Variants in PLCH1 observed in about 807,000 individuals in gnomAD.
PLCH1 encodes 1-phosphatidylinositol 4,5-bisphosphate phosphodiesterase eta-1.
In PLCH1, 60 loss-of-function variants were observed where a neutral mutation model predicts 126.7. The ratio of observed to expected loss-of-function variants is 0.47; its 90% CI spans 0.38 to 0.59. PLCH1 has a LOEUF of 0.59. Ranked by LOEUF, PLCH1 falls within the 20% of genes least tolerant of loss-of-function variation. The pLI is 0.00. For synonymous variants in PLCH1, 719 were observed against 734.9 expected, an observed-to-expected ratio of 0.98 and a Z score of 0.35; for missense variants, 1,723 against 2,040.0, an observed-to-expected ratio of 0.84 and a Z score of 2.99.
At chr3:155,537,436 C>T (rs1010471621) in intron 10 of PLCH1, among the ~76,000 whole-genome samples, 1 of 152,014 alleles carries the variant, frequency 6.6e-6, no homozygotes, top group Non-Finnish European at 1.5e-5. Context: ...AAATGCTCCA[C>T]TTAAAAGGCA....
intron 1 of PLCH1, among the ~76,000 whole-genome samples, chr3:155,719,961 A>T (rs1577365244): frequency 6.6e-6 from 1 of 151,938 alleles, no homozygotes; most frequent in Non-Finnish European, 1.5e-5. Flanking sequence ...ATGCCCGGCT[A>T]ATTTTTGTAT....
intron 2 of PLCH1, among the ~76,000 whole-genome samples, chr3:155,628,582 CT>C (rs1737647991): frequency 6.8e-6 from 1 of 146,342 alleles, no homozygotes; most frequent in Non-Finnish European, 1.5e-5. Flanking sequence ...GGGGGAGGGG[CT>C]TCTTCATTCT....
chr3:155,743,629 G>T (rs999406952), intron 1 of PLCH1: 3 of 410,188 alleles, frequency 7.3e-6, no homozygotes, highest in Non-Finnish European at 1.4e-5. Context: ...TAACCCCAAA[G>T]GTGACCAAAA....
intron 11 of PLCH1, among the ~76,000 whole-genome samples, chr3:155,517,733 G>C (rs1720545048): frequency 6.6e-6 from 1 of 152,122 alleles, no homozygotes. Context: ...ACATACATAA[G>C]TACCACGGAT....
intron 19 of PLCH1, among the ~76,000 whole-genome samples, chr3:155,489,931 G>A (rs532189063): frequency 6.6e-6 from 1 of 152,096 alleles, no homozygotes; most frequent in Non-Finnish European, 1.5e-5. Flanking sequence ...AGATCTTTTT[G>A]TTGACTTAGT....
At chr3:155,534,437 C>A (rs1723086549) in intron 10 of PLCH1, among the ~76,000 whole-genome samples, 1 of 152,174 alleles carries the variant, frequency 6.6e-6, no homozygotes, top group Non-Finnish European at 1.5e-5. Context: ...GCCTGTACCC[C>A]CATTGGATCT....
chr3:155,566,513 G>A (rs1728563853), intron 7 of PLCH1, among the ~76,000 whole-genome samples: 1 of 151,278 alleles, frequency 6.6e-6, no homozygotes, highest in Non-Finnish European at 1.5e-5. Context: ...ATACCAAGAG[G>A]TACCCTGAAC....
intron 1 of PLCH1, among the ~76,000 whole-genome samples, chr3:155,734,869 C>T (rs1203504203): frequency 4.6e-5 from 7 of 152,102 alleles, no homozygotes; most frequent in African/African-American, 1.2e-4. Context: ...CCACCACGCC[C>T]GGCTAATTTT....
At chr3:155,479,683 G>A (rs929780169), downstream of PLCH1, among the ~76,000 whole-genome samples, 2 of 152,020 alleles carry the variant, frequency 1.3e-5, no homozygotes, top group Middle Eastern at 3.2e-3. Flanking sequence ...CATTACATTT[G>A]ATTTTCTTTC....
At chr3:155,478,918 T>C (rs145018363), downstream of PLCH1, among the ~76,000 whole-genome samples, 449 of 152,312 alleles carry the variant, frequency 2.9e-3, 1 homozygote, top group African/African-American at 0.01. Context: ...AGTACATTCA[T>C]ATAATTTATA....
At chr3:155,662,161 A>C (rs1178772118) in intron 2 of PLCH1, among the ~76,000 whole-genome samples, 1 of 152,168 alleles carries the variant, frequency 6.6e-6, no homozygotes, top group East Asian at 1.9e-4. Context: ...ATGATCTGAA[A>C]ACTGTATATG....
At chr3:155,555,539 T>C (rs141210295) in intron 8 of PLCH1, among the ~76,000 whole-genome samples, 462 of 152,304 alleles carry the variant, frequency 3.0e-3, no homozygotes, top group African/African-American at 0.011. Flanking sequence ...ACTTCAGTTG[T>C]TTTAAGGCAC....
rs369295700 is a variant in PLCH1, at chr3:155,594,192, G to C, written c.227-8C>G. 2.5e-6 allele frequency: 4 copies of C among 1,611,602 alleles called. No individual in the cohort carries two copies. Among genetic ancestry groups the C allele is most frequent in the Non-Finnish European group, 3.4e-6 (4 of 1,178,240 alleles). On this transcript the variant is annotated splice_region_variant and splice_polypyrimidine_tract_variant and intron_variant, in intron 3 of 22. Coordinates refer to ENST00000460012, the MANE Select transcript of PLCH1 (RefSeq NM_014996.4). Reference sequence around the variant, plus strand: ...AAATGGAATCAATAAGTACTGTGAGGAAAATGAGATACACACAGTTATACA... The same window carrying C: ...AAATGGAATCAATAAGTACTGTGAGCAAAATGAGATACACACAGTTATACA...
intron 1 of PLCH1, among the ~76,000 whole-genome samples, chr3:155,709,979 T>C (rs1746974547): frequency 6.6e-6 from 1 of 152,078 alleles, no homozygotes; most frequent in African/African-American, 2.4e-5. Flanking sequence ...GTTTGGTTGG[T>C]TGGTTGGTTG....
intron 13 of PLCH1, among the ~76,000 whole-genome samples, chr3:155,504,090 G>A (rs58785850): frequency 0.15 from 23,466 of 152,074 alleles, 2,344 homozygotes; most frequent in African/African-American, 0.29. Context: ...GATGACTGAC[G>A]GGTGAATTCC....
chr3:155,721,902 C>T (rs1349646081), intron 1 of PLCH1, among the ~76,000 whole-genome samples: 1 of 151,954 alleles, frequency 6.6e-6, no homozygotes, highest in Non-Finnish European at 1.5e-5. Flanking sequence ...ACAAAATTAG[C>T]CGGGCATGGT....
chr3:155,676,138 A>G lies in PLCH1; in HGVS notation c.79+28008T>C, dbSNP rs541828764. The stretch of plus-strand genomic sequence containing the variant: ...ACACATTTCCAAAAAGGGTGGGGGG[A>G]AAAAAGGCAAAGAAATCCTTAGCAG... On this transcript the variant is annotated intron_variant, in intron 2 of 22. Coordinates refer to ENST00000460012, the MANE Select transcript of PLCH1 (RefSeq NM_014996.4). 2,767 of 1,361,650 alleles carry G rather than the reference A, an allele frequency of 2.0e-3. 7 individuals are homozygous for G. Among genetic ancestry groups the G allele is most frequent in the Admixed American group, 2.4e-3 (74 of 30,630 alleles). 84.3% of individuals were successfully genotyped at this position (1,361,650 alleles called of 1,614,324 possible).
rs149123525 is a variant in PLCH1 at position 155,623,319 on chromosome 3, G to A, written c.80-26941C>T. On this transcript the variant is annotated intron_variant, in intron 2 of 22. Coordinates refer to ENST00000460012, the MANE Select transcript of PLCH1 (RefSeq NM_014996.4). ...GAGAAAGCAAGAAAGATCTAAAATC[G>A]ATACCCTAACATCACAATTAAAAGA... Among the ~76,000 whole-genome samples, 501 of 152,148 alleles carry A rather than the reference G, an allele frequency of 3.3e-3. 6 individuals carry two copies. In the East Asian group the frequency reaches 0.049, roughly 15 times the overall value.
intron 21 of PLCH1, among the ~76,000 whole-genome samples, chr3:155,459,994 A>G (rs1712648055): frequency 1.3e-5 from 2 of 152,166 alleles, no homozygotes; most frequent in African/African-American, 4.8e-5. Context: ...ACTGATGCAG[A>G]AATTCTGGGG....
Sources: gnomAD v4.1 joint callset for allele counts (sites outside exome capture counted in the v4.1 genomes callset) on GRCh38, gnomAD v4.1.1 for gene constraint, MANE v1.5 for transcripts, NCBI Gene and HGNC (gene_info 2026-07-23, HGNC 2026-07-21) for gene names.